Variants in SMC3 observed in about 807,000 individuals in gnomAD.
SMC3 encodes the protein structural maintenance of chromosomes 3.
In SMC3, 20 loss-of-function variants were observed where a neutral mutation model predicts 171.8. The observed-to-expected ratio is 0.12, with a 90% CI of 0.08 to 0.17. SMC3 has a LOEUF of 0.17. SMC3 is among the 10% of genes least tolerant of loss of function. SMC3 has a pLI of 1.00. For missense variants in SMC3, 543 were observed against 1,420.4 expected (o/e 0.38, Z 9.93); for synonymous variants, 464 against 451.1 (o/e 1.03, Z -0.36).
At chr10:110,588,894 G>T (rs1467909880) in intron 13 of SMC3, among the ~76,000 whole-genome samples, 1 of 152,152 alleles carries the variant, frequency 6.6e-6, no homozygotes, top group Non-Finnish European at 1.5e-5. Context: ...GTGTGTGTGT[G>T]TAGAGGGGGC....
chr10:110,584,118 T>G, intron 12 of SMC3, 65 bp from the exon 13 acceptor site: 3 of 1,464,128 alleles, frequency 2.0e-6, no homozygotes, highest in Non-Finnish European at 1.9e-6. Flanking sequence ...CAGTTGACAT[T>G]ATTGGTTGCA....
chr10:110,588,801 G>C (rs1861163002), intron 13 of SMC3, among the ~76,000 whole-genome samples: 1 of 152,232 alleles, frequency 6.6e-6, no homozygotes, highest in East Asian at 1.9e-4. Flanking sequence ...TAGGTTCTTA[G>C]AGATTTGTTA....
chr10:110,590,361 A>T (rs764785712), intron 15 of SMC3, 51 bp from the exon 16 acceptor site: 33 of 1,452,382 alleles, frequency 2.3e-5, no homozygotes, highest in Non-Finnish European at 3.1e-5. Context: ...CCTTACCAGG[A>T]GTGCCATTGA....
At chr10:110,588,166 A>G (rs549472884) in intron 13 of SMC3, among the ~76,000 whole-genome samples, 2 of 152,022 alleles carry the variant, frequency 1.3e-5, no homozygotes, top group South Asian at 4.2e-4. Flanking sequence ...TAATTTTTGT[A>G]TTTTCAGTAG....
chr10:110,593,823 C>T lies in SMC3; in HGVS notation c.1963+600C>T, dbSNP rs1383377481. Among the ~76,000 whole-genome samples the T allele has an allele frequency of 2.0e-5, 3 of 149,404 alleles. No homozygotes were observed. In the East Asian group the frequency reaches 6.1e-4, roughly 30 times the overall value. ...CCAACATGGTGAAACCCCATCTCTA[C>T]TAAAAATACAAAAAATTAGCTGGGT... On this transcript the variant is annotated intron_variant, in intron 18 of 28. Coordinates refer to ENST00000361804, the MANE Select transcript of SMC3 (RefSeq NM_005445.4).
At chr10:110,572,561 G>C (rs972858984) in intron 2 of SMC3, among the ~76,000 whole-genome samples, 1 of 152,154 alleles carries the variant, frequency 6.6e-6, no homozygotes, top group Admixed American at 6.5e-5. Flanking sequence ...AGGTCTGTCT[G>C]ACTCTTATTG....
intron 20 of SMC3, among the ~76,000 whole-genome samples, chr10:110,599,042 TAAAAA>T (rs538467688): frequency 7.1e-6 from 1 of 140,920 alleles, no homozygotes; most frequent in African/African-American, 2.6e-5. Flanking sequence ...ACAAAGAGCT[TAAAAA>T]AAAAAAAAAA....
chr10:110,575,470 G>C, intron 4 of SMC3, 67 bp downstream of exon 4: 1 of 1,142,634 alleles, frequency 8.8e-7, no homozygotes, highest in Non-Finnish European at 1.3e-6. Flanking sequence ...TTCCATGCTG[G>C]TTAAAAAAGC....
chr10:110,599,153 A>G (rs1275547327), intron 20 of SMC3, among the ~76,000 whole-genome samples: 1 of 152,050 alleles, frequency 6.6e-6, no homozygotes, highest in Non-Finnish European at 1.5e-5. Context: ...GCTGGAGTGC[A>G]ATGGCGTGAT....
intron 1 of SMC3, chr10:110,568,320 C>T (rs1860813865): frequency 5.5e-6 from 1 of 182,094 alleles, no homozygotes; most frequent in Non-Finnish European, 1.1e-5. Flanking sequence ...CTGCGGGGAG[C>T]CGTTCTTCTC....
chr10:110,572,393 T>G (rs1298419881), intron 2 of SMC3, among the ~76,000 whole-genome samples: 2 of 152,226 alleles, frequency 1.3e-5, no homozygotes, highest in African/African-American at 2.4e-5. Context: ...GGATCTAATT[T>G]AGGAGCAGGT....
intron 10 of SMC3, 95 bp downstream of exon 10, chr10:110,582,737 T>A: frequency 1.1e-6 from 1 of 912,274 alleles, no homozygotes; most frequent in Non-Finnish European, 1.8e-6. Flanking sequence ...GGTGCCATCA[T>A]GGCTCATTGT....
intron 13 of SMC3, among the ~76,000 whole-genome samples, chr10:110,585,841 A>T (rs915997639): frequency 1.3e-5 from 2 of 151,968 alleles, no homozygotes; most frequent in African/African-American, 4.8e-5. Flanking sequence ...TCTGTCGCCC[A>T]GGCTGGAGTG....
intron 26 of SMC3, 31 bp downstream of exon 26, chr10:110,602,696 G>C: frequency 6.3e-7 from 1 of 1,591,794 alleles, no homozygotes; most frequent in South Asian, 1.1e-5. Context: ...ATTTTCCTCA[G>C]AGCATTACCA....
Position 110,567,793 on chromosome 10 carries a change from C to T in SMC3, c.-24C>T. On this transcript the variant is annotated 5_prime_UTR_variant, in exon 1 of 29. Transcript: ENST00000361804. ...CGGTTGCTGCTCCGGGGCAGGTCTCCTTCCAGGCCAGGGGCCCGGAATCAT... is the reference window on the plus strand; with the variant it reads ...CGGTTGCTGCTCCGGGGCAGGTCTCTTTCCAGGCCAGGGGCCCGGAATCAT... 1.9e-6 allele frequency: 3 copies of T among 1,613,372 alleles called. No individual in the cohort carries two copies. Among genetic ancestry groups the T allele is most frequent in the Non-Finnish European group, 2.5e-6 (3 of 1,179,738 alleles).
chr10:110,584,823 C>T (rs143335845), intron 13 of SMC3, among the ~76,000 whole-genome samples: 1 of 152,198 alleles, frequency 6.6e-6, no homozygotes, highest in East Asian at 1.9e-4. Context: ...CGAGGTCTTG[C>T]CATGTAGCCT....
Position 110,600,563 on chromosome 10 carries a change from T to TG in SMC3, c.2535+17_2535+18insG. ...GTAGAACAGGTGTGTATGTGTTTTT[T>TG]TTTTTTTTTTTAAGGGCTCCTTGGT... On this transcript the variant is annotated intron_variant, in intron 22 of 28. Coordinates refer to ENST00000361804, the MANE Select transcript of SMC3 (RefSeq NM_005445.4). 7 of 1,365,184 alleles carry TG rather than the reference T, an allele frequency of 5.1e-6. No individual in the cohort carries two copies. The highest frequency in any genetic ancestry group is 1.2e-5 in the South Asian group (1 of 85,770). The allele number at this position is 1,365,184 out of a possible 1,614,324, so 84.6% of individuals were successfully genotyped here. A position where few individuals can be genotyped will look rare whatever the true frequency, so the allele number is the denominator to read the frequency against.
intron 13 of SMC3, among the ~76,000 whole-genome samples, chr10:110,585,073 C>T (rs1011446699): frequency 6.6e-6 from 1 of 151,724 alleles, no homozygotes; most frequent in Non-Finnish European, 1.5e-5. Flanking sequence ...AGTGCAATGG[C>T]GCAATTTCGG....
chr10:110,582,229 T>C, intron 9 of SMC3, 131 bp downstream of exon 9: 2 of 843,648 alleles, frequency 2.4e-6, no homozygotes, highest in Admixed American at 2.5e-5. Context: ...ATGAATTTAT[T>C]AGTCAGCAAG....
Sources: allele counts gnomAD v4.1 joint callset (sites outside exome capture counted in the v4.1 genomes callset), GRCh38; gene constraint gnomAD v4.1.1; transcripts MANE v1.5; gene names NCBI Gene and HGNC (gene_info 2026-07-23, HGNC 2026-07-21).